Variants in GRIA4 observed in about 807,000 individuals in gnomAD.
GRIA4 encodes glutamate ionotropic receptor AMPA type subunit 4.
In GRIA4, 34 loss-of-function variants were observed where a neutral mutation model predicts 104.0. The ratio of observed to expected loss-of-function variants is 0.33; its 90% CI spans 0.25 to 0.44. The LOEUF (loss-of-function observed/expected upper bound fraction) is 0.44. Ranked by LOEUF, GRIA4 falls within the 20% of genes least tolerant of loss-of-function variation. The pLI is 1.00. For synonymous variants in GRIA4, 386 were observed against 381.9 expected, an observed-to-expected ratio of 1.01 and a Z score of -0.13; for missense variants, 750 against 1,096.5, an observed-to-expected ratio of 0.68 and a Z score of 4.46.
intron 4 of GRIA4, among the ~76,000 whole-genome samples, chr11:105,846,919 CA>C (rs1235347839): frequency 6.6e-6 from 1 of 152,164 alleles, no homozygotes; most frequent in African/African-American, 2.4e-5. Context: ...CCTTGTAACC[CA>C]ATTCTGCAGG....
chr11:105,663,536 C>G (rs1952075495), intron 3 of GRIA4, among the ~76,000 whole-genome samples: 1 of 151,826 alleles, frequency 6.6e-6, no homozygotes, highest in African/African-American at 2.4e-5. Context: ...TAAATAGAGA[C>G]AATGACAGGA....
Position 105,753,075 on chromosome 11 carries a change from T to C in GRIA4, c.342T>C (p.His114=). 3 of 1,613,872 alleles carry C rather than the reference T, an allele frequency of 1.9e-6. No individual in the cohort carries two copies. Among genetic ancestry groups the C allele is most frequent in the Non-Finnish European group, 2.5e-6 (3 of 1,179,868 alleles). Residue 114 remains histidine, a synonymous_variant, in exon 4 of 17, where the codon CAT becomes CAC. Coordinates refer to ENST00000282499, the MANE Select transcript of GRIA4 (RefSeq NM_000829.4). ...HTLTSFCSAL[H]ISLITPSFPT... ...TGACCTCATTCTGCAGCGCCTTACA[T>C]ATCTCCCTCATCACACCAAGTTTCC...
intron 3 of GRIA4, among the ~76,000 whole-genome samples, chr11:105,747,134 T>C (rs947451935): frequency 6.6e-6 from 1 of 152,142 alleles, no homozygotes; most frequent in African/African-American, 2.4e-5. Context: ...CTCATAAACA[T>C]AGAAATTCAC....
intron 4 of GRIA4, among the ~76,000 whole-genome samples, chr11:105,832,156 A>C (rs1943999736): frequency 6.6e-6 from 1 of 151,976 alleles, no homozygotes; most frequent in Admixed American, 6.6e-5. Flanking sequence ...ATGCAACCGA[A>C]AAGTGAGATC....
rs756127564 is a variant in GRIA4 at position 105,982,000 on chromosome 11, G to C, written c.*2261G>C. ...AGACTGTAAGCTCCTTGAGGGCAGG[G>C]ACTGTGTCTATCTTGTTCACAGTTG... On this transcript the variant is annotated 3_prime_UTR_variant, in exon 17 of 17. Transcript: ENST00000282499. The C allele has an allele frequency of 1.3e-5, 2 of 152,636 alleles. No homozygotes were observed. Among genetic ancestry groups the C allele is most frequent in the Non-Finnish European group, 2.9e-5 (2 of 68,066 alleles). The allele number at this position is 152,636 out of a possible 1,614,324, so 9.5% of individuals were successfully genotyped here.
intron 4 of GRIA4, among the ~76,000 whole-genome samples, chr11:105,852,447 G>A (rs972545505): frequency 2.6e-5 from 4 of 152,126 alleles, no homozygotes; most frequent in African/African-American, 7.2e-5. Flanking sequence ...AAAGTCAAAG[G>A]TGGAAGATTA....
At chr11:105,973,095 G>A (rs1858780717) in intron 15 of GRIA4, among the ~76,000 whole-genome samples, 1 of 152,150 alleles carries the variant, frequency 6.6e-6, no homozygotes, top group Non-Finnish European at 1.5e-5. Context: ...CTGATGTAAA[G>A]TCAGACAAGT....
chr11:105,682,571 A>T (rs1005205272), intron 3 of GRIA4, among the ~76,000 whole-genome samples: 3 of 152,180 alleles, frequency 2.0e-5, no homozygotes, highest in African/African-American at 7.2e-5. Flanking sequence ...CAACCAACTC[A>T]TTTCTTAGAT....
chr11:105,616,234 A>C (rs1182795647), intron 3 of GRIA4, among the ~76,000 whole-genome samples: 1 of 151,698 alleles, frequency 6.6e-6, no homozygotes, highest in African/African-American at 2.4e-5. Flanking sequence ...GAATCATTTT[A>C]TTCAATTGTT....
At chr11:105,947,845 G>A (rs904602899) in intron 14 of GRIA4, among the ~76,000 whole-genome samples, 1 of 152,108 alleles carries the variant, frequency 6.6e-6, no homozygotes, top group African/African-American at 2.4e-5. Context: ...TAAACAGTGG[G>A]TGTTAGAATA....
intron 4 of GRIA4, among the ~76,000 whole-genome samples, chr11:105,860,918 C>T (rs1945197165): frequency 6.9e-6 from 1 of 144,242 alleles, no homozygotes; most frequent in South Asian, 2.2e-4. Flanking sequence ...AAGATTGTGC[C>T]ACTGCACTCC....
At chr11:105,913,710 A>G (rs1947322163) in intron 10 of GRIA4, among the ~76,000 whole-genome samples, 2 of 152,056 alleles carry the variant, frequency 1.3e-5, no homozygotes, top group South Asian at 4.1e-4. Flanking sequence ...AAGGGGAGAT[A>G]ATACAGTGAT....
At chr11:105,644,503 C>G (rs1951468305) in intron 3 of GRIA4, among the ~76,000 whole-genome samples, 2 of 151,538 alleles carry the variant, frequency 1.3e-5, no homozygotes, top group South Asian at 2.1e-4. Flanking sequence ...ATTCAGGTGG[C>G]TGAGGTGAGG....
At chr11:105,737,633 T>C (rs1027070672) in intron 3 of GRIA4, among the ~76,000 whole-genome samples, 1 of 152,168 alleles carries the variant, frequency 6.6e-6, no homozygotes. Flanking sequence ...CGTAATCCCT[T>C]AAGACCTACT....
intron 4 of GRIA4, among the ~76,000 whole-genome samples, chr11:105,771,724 G>T (rs1400149645): frequency 1.3e-5 from 2 of 151,828 alleles, no homozygotes; most frequent in East Asian, 3.9e-4. Context: ...AACTACACAG[G>T]TCCATTACAT....
At chr11:105,791,439 A>T (rs970320958) in intron 4 of GRIA4, among the ~76,000 whole-genome samples, 1 of 152,114 alleles carries the variant, frequency 6.6e-6, no homozygotes, top group Admixed American at 6.6e-5. Context: ...TTTCTAATTA[A>T]TTTTTTAAGT....
At chr11:105,627,262 A>T (rs1406399873) in intron 3 of GRIA4, among the ~76,000 whole-genome samples, 1 of 152,110 alleles carries the variant, frequency 6.6e-6, no homozygotes, top group East Asian at 1.9e-4. Flanking sequence ...GGAGAACGAT[A>T]ATGCATCTGG....
At chr11:105,762,772 C>G (rs1940728394) in intron 4 of GRIA4, among the ~76,000 whole-genome samples, 1 of 152,180 alleles carries the variant, frequency 6.6e-6, no homozygotes, top group South Asian at 2.1e-4. Flanking sequence ...TAAGATGTCC[C>G]TTGCTCTTCT....
chr11:105,616,746 A>G (rs890885601), intron 3 of GRIA4, among the ~76,000 whole-genome samples: 2 of 151,754 alleles, frequency 1.3e-5, no homozygotes, highest in African/African-American at 4.8e-5. Flanking sequence ...ATTAAATACT[A>G]TTTGACTTTT....
Sources: allele counts gnomAD v4.1 joint callset (sites outside exome capture counted in the v4.1 genomes callset), GRCh38; gene constraint gnomAD v4.1.1; transcripts MANE v1.5; gene names NCBI Gene and HGNC (gene_info 2026-07-23, HGNC 2026-07-21).